Variants in STUB1 observed in about 807,000 individuals in gnomAD.
The protein encoded by STUB1 is STIP1 homology and U-box containing protein 1.
Under a neutral mutation model 40.3 loss-of-function variants are expected in STUB1, and 37 were observed. The ratio of observed to expected loss-of-function variants is 0.92; its 90% CI spans 0.71 to 1.21. The LOEUF (loss-of-function observed/expected upper bound fraction) is 1.21, where lower values mean the gene tolerates loss of function less well. Among genes scored for constraint, STUB1 ranks in the 50% most tolerant of loss-of-function variants. The probability of loss-of-function intolerance (pLI) is 0.00; values close to 1 mark genes in which losing one functional copy is unlikely to be tolerated. For missense variants in STUB1, 460 were observed against 421.9 expected (o/e 1.09, Z -0.79); for synonymous variants, 246 against 171.9 (o/e 1.43, Z -3.37).
At position 682,572 on chromosome 16, in the gene STUB1, G is replaced by A; in HGVS notation, c.*83G>A. On this transcript the variant is annotated 3_prime_UTR_variant, in exon 7 of 7. Coordinates refer to ENST00000219548, the MANE Select transcript of STUB1 (RefSeq NM_005861.4). Reference sequence around the variant, plus strand: ...CCCCTATACATAGTTTATGTTCCTGGCCACCCCGACCGCTTCCCCCAAGTT... The same window carrying A: ...CCCCTATACATAGTTTATGTTCCTGACCACCCCGACCGCTTCCCCCAAGTT... 3 of 1,577,452 alleles carry A rather than the reference G, an allele frequency of 1.9e-6. No individual in the cohort carries two copies. Among genetic ancestry groups the A allele is most frequent in the Non-Finnish European group, 2.6e-6 (3 of 1,157,590 alleles).
chr16:681,184 C>T lies in STUB1; in HGVS notation c.192C>T (p.Thr64=). Residue 64 remains threonine (T), a synonymous_variant, in exon 2 of 7, where the codon ACC becomes ACT. Transcript: ENST00000219548. The part of the protein sequence containing the change: ...TRNPLVAVYY[T]NRALCYLKMQ... ...ACCCGCTGGTGGCCGTGTATTACAC[C>T]AACCGGGCCTTGTGCTACCTGAAGA... 6.3e-7 allele frequency: 1 copy of T among 1,587,052 alleles called. No individual in the cohort carries two copies. The highest frequency in any genetic ancestry group is 8.6e-7 in the Non-Finnish European group (1 of 1,167,672).
intron 3 of STUB1, 56 bp downstream of exon 3, chr16:681,659 C>G (rs929041326): frequency 1.3e-6 from 2 of 1,570,352 alleles, no homozygotes; most frequent in African/African-American, 2.7e-5. Context: ...TCACCGACTC[C>G]CGACACAAGC....
Position 681,318 on chromosome 16 carries a change from G to A in STUB1, c.326G>A (p.Ser109Asn), listed in dbSNP as rs148553428. 7,561 of 1,612,914 alleles carry A rather than the reference G, an allele frequency of 4.7e-3. 31 individuals are homozygous for A. Among genetic ancestry groups the A allele is most frequent in the South Asian group, 0.012 (1,056 of 91,086 alleles). Residue 109 changes from serine (S) to asparagine (N), a missense_variant, in exon 2 of 7, where the codon AGC becomes AAC. Ser to Asn is a conservative substitution (Grantham distance 46, BLOSUM62 1). Coordinates refer to ENST00000219548, the MANE Select transcript of STUB1 (RefSeq NM_005861.4). The part of the protein sequence containing the change: ...FLGQCQLEME[S>N]YDEAIANLQR... ...GGGCAGTGCCAGCTGGAGATGGAGA[G>A]CTATGATGAGGCCATCGCCAATCTG...
chr16:680,547 G>T lies in STUB1; in HGVS notation c.22G>T (p.Glu8Ter). 7.4e-7 allele frequency: 1 copy of T among 1,343,600 alleles called. No individual in the cohort carries two copies. Among genetic ancestry groups the T allele is most frequent in the South Asian group, 1.8e-5 (1 of 54,510 alleles). The allele number at this position is 1,343,600 out of a possible 1,614,324, so 83.2% of individuals were successfully genotyped here. MKGKEEK[E>*]GGARLGAGGG... is the part of the protein sequence containing the mutation. ...CGCCATGAAGGGCAAGGAGGAGAAG[G>T]AGGGCGGCGCACGGCTGGGCGCTGG... Residue 8 changes from glutamate (E) to a stop codon, truncating the protein, a stop_gained, in exon 1 of 7, where the codon GAG (glutamate) becomes TAG (stop). Coordinates refer to ENST00000219548, the MANE Select transcript of STUB1 (RefSeq NM_005861.4). LOFTEE classifies it high-confidence loss of function. This position sits in a 1 kb window ranked among gnomAD's most constrained non-coding sequence, Gnocchi z 4.9.
Position 682,683 on chromosome 16 carries a change from G to A in STUB1, c.*194G>A. The A allele has an allele frequency of 2.8e-6, 4 of 1,433,150 alleles. No homozygotes were observed. The highest frequency in any genetic ancestry group is 2.4e-5 in the East Asian group (1 of 41,914). 88.8% of individuals were successfully genotyped at this position (1,433,150 alleles called of 1,614,324 possible). A position where few individuals can be genotyped will look rare whatever the true frequency, so the allele number is the denominator to read the frequency against. ...CCCCCTTTGTGGGCTGGAAAAGCAG[G>A]TGAGGGTGGGCTGGGCTGAGGCCAT... On this transcript the variant is annotated 3_prime_UTR_variant, in exon 7 of 7. Transcript: ENST00000219548.
rs373358178 is a variant in STUB1, at chr16:681,611, C to T, written c.524+8C>T. 1.5e-5 allele frequency: 24 copies of T among 1,601,998 alleles called. No homozygotes were observed. Among genetic ancestry groups the T allele is most frequent in the Non-Finnish European group, 1.9e-5 (22 of 1,173,248 alleles). On this transcript the variant is annotated splice_region_variant and intron_variant, in intron 3 of 6. Coordinates refer to ENST00000219548, the MANE Select transcript of STUB1 (RefSeq NM_005861.4). ...TGCCGCGGAGCGTGAGAGGTGGGAC[C>T]CTCACCCCAGGCCGCCCTGTCTTGG...
Position 682,576 on chromosome 16 carries a change from C to A in STUB1, c.*87C>A, listed in dbSNP as rs1272499929. 5.8e-6 allele frequency: 9 copies of A among 1,564,470 alleles called. No individual in the cohort carries two copies. Among genetic ancestry groups the A allele is most frequent in the African/African-American group, 2.7e-5 (2 of 73,970 alleles). Reference sequence around the variant, plus strand: ...TATACATAGTTTATGTTCCTGGCCACCCCGACCGCTTCCCCCAAGTTCTGC... The same window carrying A: ...TATACATAGTTTATGTTCCTGGCCAACCCGACCGCTTCCCCCAAGTTCTGC... On this transcript the variant is annotated 3_prime_UTR_variant, in exon 7 of 7. Transcript: ENST00000219548.
intron 1 of STUB1, 63 bp from the exon 2 acceptor site, chr16:681,089 G>A (rs1462614725): frequency 1.4e-6 from 2 of 1,476,236 alleles, no homozygotes; most frequent in African/African-American, 1.4e-5. Context: ...GGGACGGGCC[G>A]TGGGTCAGAG....
chr16:681,173 G>A lies in STUB1; in HGVS notation c.181G>A (p.Val61Met). The A allele has an allele frequency of 1.9e-6, 3 of 1,574,900 alleles. No homozygotes were observed. The highest frequency in any genetic ancestry group is 1.3e-5 in the African/African-American group (1 of 74,114). Reference sequence around the variant, plus strand: ...CTAGACCCGGAACCCGCTGGTGGCCGTGTATTACACCAACCGGGCCTTGTG... The same window carrying A: ...CTAGACCCGGAACCCGCTGGTGGCCATGTATTACACCAACCGGGCCTTGTG... ...RAITRNPLVAVYYTNRALCYL... is the reference protein window; with the variant it reads ...RAITRNPLVAMYYTNRALCYL... The change falls in exon 2 of 7, where the codon GTG becomes ATG. Residue 61 changes from valine (V) to methionine (M), a missense_variant. Physicochemically the swap from Val to Met is conservative, Grantham distance 21. Coordinates refer to ENST00000219548, the MANE Select transcript of STUB1 (RefSeq NM_005861.4).
Position 680,796 on chromosome 16 carries a change from C to T in STUB1, c.159+112C>T, listed in dbSNP as rs1176660460. 5.8e-6 allele frequency: 6 copies of T among 1,026,734 alleles called. No individual in the cohort carries two copies. Among genetic ancestry groups the T allele is most frequent in the African/African-American group, 1.7e-5 (1 of 59,234 alleles). The allele number at this position is 1,026,734 out of a possible 1,614,324, so 63.6% of individuals were successfully genotyped here. A position where few individuals can be genotyped will look rare whatever the true frequency, so the allele number is the denominator to read the frequency against. Reference sequence around the variant, plus strand: ...TCCTCTTCGGGGCGTGTCCTCGGCTCCCAAAGCCCAGCCGTGGTTCTCGAG... The same window carrying T: ...TCCTCTTCGGGGCGTGTCCTCGGCTTCCAAAGCCCAGCCGTGGTTCTCGAG... On this transcript the variant is annotated intron_variant, in intron 1 of 6. Transcript: ENST00000219548. The surrounding 1 kb of genome is among the most constrained non-coding windows in gnomAD (Gnocchi z 4.9).
In STUB1 at chr16:682,090, G is replaced by T; in HGVS notation, c.669+14G>T. ...GAGAAGAGGAAGGTGAGTGTGTGTC[G>T]CTTGCTGCCGATGGCTGGCAGGTGC... On this transcript the variant is annotated intron_variant, in intron 5 of 6. Transcript: ENST00000219548. The T allele has an allele frequency of 6.3e-7, 1 of 1,581,008 alleles. No individual in the cohort carries two copies. Among genetic ancestry groups the T allele is most frequent in the Non-Finnish European group, 8.6e-7 (1 of 1,157,374 alleles).
In STUB1 at chr16:681,222, A is replaced by C. The variant is rs757164655; in HGVS notation, c.230A>C (p.Glu77Ala). Residue 77 changes from glutamate to alanine, a missense_variant, in exon 2 of 7, where the codon GAG becomes GCG. By Grantham distance (107) the Glu-to-Ala change is moderately radical. Transcript: ENST00000219548. ...TGCTACCTGAAGATGCAGCAGCACG[A>C]GCAGGCCCTGGCCGACTGCCGGCGC... ...ALCYLKMQQH[E>A]QALADCRRAL... 1 of 1,611,054 alleles carries C rather than the reference A, an allele frequency of 6.2e-7. No homozygotes were observed. The highest frequency in any genetic ancestry group is 1.1e-5 in the South Asian group (1 of 90,748).
In STUB1 at chr16:681,156, G is replaced by A; in HGVS notation, c.164G>A (p.Arg55Gln). The change falls in exon 2 of 7, where the codon CGG (arginine) becomes CAG (glutamine). Residue 55 changes from arginine (R) to glutamine (Q), a missense_variant. Physicochemically the swap from Arg to Gln is conservative, Grantham distance 43 (BLOSUM62 1). Coordinates refer to ENST00000219548, the MANE Select transcript of STUB1 (RefSeq NM_005861.4). ...TGGCCCGGCCTTGGTCCCTAGACCC[G>A]GAACCCGCTGGTGGCCGTGTATTAC... Reference protein sequence around the residue: ...AAACYGRAITRNPLVAVYYTN... With the variant: ...AAACYGRAITQNPLVAVYYTN... 2 of 1,557,746 alleles carry A rather than the reference G, an allele frequency of 1.3e-6. No homozygotes were observed. The highest frequency in any genetic ancestry group is 1.7e-6 in the Non-Finnish European group (2 of 1,151,316).
chr16:682,152 C>G lies in STUB1; in HGVS notation c.670-13C>G. On this transcript the variant is annotated splice_polypyrimidine_tract_variant and intron_variant, in intron 5 of 6. Transcript: ENST00000219548. ...CCCTTTTCAGCCTCTGACCGTGTGCCCCTGTGCCACAGAAGCGAGACATCC... is the reference window on the plus strand; with the variant it reads ...CCCTTTTCAGCCTCTGACCGTGTGCGCCTGTGCCACAGAAGCGAGACATCC... 1 of 1,600,610 alleles carries G rather than the reference C, an allele frequency of 6.2e-7. No individual in the cohort carries two copies.
At position 681,560 on chromosome 16, in the gene STUB1, C is replaced by T. The variant is rs1454597433; in HGVS notation, c.481C>T (p.Leu161=). 1.2e-6 allele frequency: 2 copies of T among 1,611,550 alleles called. No homozygotes were observed. Among genetic ancestry groups the T allele is most frequent in the South Asian group, 2.2e-5 (2 of 90,972 alleles). Reference sequence around the variant, plus strand: ...GCGGCGCATCCACCAGGAGAGCGAGCTGCACTCCTACCTCTCCAGGCTCAT... The same window carrying T: ...GCGGCGCATCCACCAGGAGAGCGAGTTGCACTCCTACCTCTCCAGGCTCAT... ...EERRIHQESE[L]HSYLSRLIAA... The change falls in exon 3 of 7, where the codon CTG becomes TTG. Residue 161 remains leucine, a synonymous_variant. Coordinates refer to ENST00000219548, the MANE Select transcript of STUB1 (RefSeq NM_005861.4).
intron 1 of STUB1, 48 bp from the exon 2 acceptor site, chr16:681,104 C>A: frequency 6.6e-7 from 1 of 1,516,538 alleles, no homozygotes; most frequent in Non-Finnish European, 8.9e-7. Flanking sequence ...TCAGAGTGGG[C>A]ACGCTGAGCC....
rs751120679 is a variant in STUB1 at position 682,153 on chromosome 16, CCT to C, written c.670-11_670-10del. On this transcript the variant is annotated splice_polypyrimidine_tract_variant and intron_variant, in intron 5 of 6. Transcript: ENST00000219548. ...CCTTTTCAGCCTCTGACCGTGTGCC[CCT>C]GTGCCACAGAAGCGAGACATCCCCG... 1.6e-5 allele frequency: 25 copies of C among 1,600,662 alleles called. No individual in the cohort carries two copies. Among genetic ancestry groups the C allele is most frequent in the Admixed American group, 3.3e-5 (2 of 59,748 alleles).
At position 681,654 on chromosome 16, in the gene STUB1, G is replaced by A. The variant is rs765593227; in HGVS notation, c.524+51G>A. On this transcript the variant is annotated intron_variant, in intron 3 of 6. Transcript: ENST00000219548. ...TGTCTTGGGATAATTCTGAATCACC[G>A]ACTCCCGACACAAGCGTTTATCGAA... The A allele has an allele frequency of 8.9e-6, 14 of 1,572,970 alleles. No homozygotes were observed. The South Asian group carries it at 9.1e-5, about 10-fold the overall frequency.
Position 681,859 on chromosome 16 carries a change from G to C in STUB1, c.591G>C (p.Gln197His). ...DEDDSHVRAQ[Q>H]ACIEAKHDKY... ...ACGACAGCCACGTCCGGGCCCAGCA[G>C]GCCTGCATTGAGGCCAAGCACGTGA... Residue 197 changes from glutamine (Q) to histidine (H), a missense_variant, in exon 4 of 7, where the codon CAG (glutamine) becomes CAC (histidine). Transcript: ENST00000219548. 1 of 1,612,770 alleles carries C rather than the reference G, an allele frequency of 6.2e-7. No individual in the cohort carries two copies. Among genetic ancestry groups the C allele is most frequent in the Non-Finnish European group, 8.5e-7 (1 of 1,179,898 alleles).
Sources: allele counts gnomAD v4.1 joint callset, GRCh38; gene constraint gnomAD v4.1.1; non-coding constraint Gnocchi (gnomAD v3.1); transcripts MANE v1.5; gene names NCBI Gene and HGNC (gene_info 2026-07-23, HGNC 2026-07-21).